The following MYL2 variants were observed in gnomAD, a reference collection of about 807,000 sequenced individuals.
MYL2 encodes myosin light chain 2, also known as myosin regulatory light chain 2, ventricular/cardiac muscle isoform.
A neutral mutation model predicts 23.0 loss-of-function variants in MYL2; 19 were observed. The ratio of observed to expected loss-of-function variants is 0.83; its 90% CI spans 0.58 to 1.21. MYL2 has a LOEUF of 1.21. MYL2 is among the 50% of genes most tolerant of loss of function. MYL2 has a pLI of 0.00. For synonymous variants in MYL2, 78 were observed against 76.2 expected, an observed-to-expected ratio of 1.02 and a Z score of -0.13; for missense variants, 180 against 215.1, an observed-to-expected ratio of 0.84 and a Z score of 1.02.
chr12:110,917,372 T>C (rs1397435416), intron 2 of MYL2, among the ~76,000 whole-genome samples: 1 of 151,034 alleles, frequency 6.6e-6, no homozygotes, highest in African/African-American at 2.4e-5. Context: ...GGCGGAGGGA[T>C]CACTTGAGGC....
rs2233259 is a variant in MYL2 at position 110,915,830 on chromosome 12, A to C, written c.94-40T>G. 4.5e-4 allele frequency: 716 copies of C among 1,580,012 alleles called. 1 individual carries two copies. The African/African-American group carries it at 8.9e-3, about 20-fold the overall frequency. ...TGATTGGCAGCTCAGCCTGGGAGAA[A>C]CTGGCAGAGTTGCCCAAGAGATTGG... On this transcript the variant is annotated intron_variant, in intron 2 of 6. Transcript: ENST00000228841.
intron 2 of MYL2, among the ~76,000 whole-genome samples, chr12:110,917,490 G>GACAA (rs113958682): frequency 0.14 from 20,225 of 149,752 alleles, 1,524 homozygotes; most frequent in African/African-American, 0.19. Flanking sequence ...CATTTACTCA[G>GACAA]ACAAACAAAC....
chr12:110,915,650 A>T lies in MYL2; in HGVS notation c.169+65T>A, dbSNP rs1489797823. On this transcript the variant is annotated intron_variant, in intron 3 of 6. Transcript: ENST00000228841. ...CATCTTGAGCTTTTCTGATGGTCCCACCTCCTGCTCCTCATGGATGTGAGA... is the reference window on the plus strand; with the variant it reads ...CATCTTGAGCTTTTCTGATGGTCCCTCCTCCTGCTCCTCATGGATGTGAGA... The T allele has an allele frequency of 8.6e-6, 13 of 1,515,794 alleles. No individual in the cohort carries two copies. In the Admixed American group the frequency reaches 1.7e-4, roughly 19 times the overall value. The allele number at this position is 1,515,794 out of a possible 1,614,324, so 93.9% of individuals were successfully genotyped here. A position where few individuals can be genotyped will look rare whatever the true frequency, so the allele number is the denominator to read the frequency against.
chr12:110,912,609 G>A (rs1401185434), intron 6 of MYL2, among the ~76,000 whole-genome samples: 2 of 152,188 alleles, frequency 1.3e-5, no homozygotes, highest in Non-Finnish European at 2.9e-5. Context: ...GCCCAGACTG[G>A]AGTGCAGTGG....
upstream of MYL2, among the ~76,000 whole-genome samples, chr12:110,920,902 T>C (rs2136779868): frequency 6.6e-6 from 1 of 152,380 alleles, no homozygotes; most frequent in East Asian, 1.9e-4. Flanking sequence ...TAAAATGCTC[T>C]GTTTTATCAG....
In MYL2 at chr12:110,916,814, G is replaced by A. The variant is rs558324836; in HGVS notation, c.94-1024C>T. 9.9e-5 allele frequency among the ~76,000 whole-genome samples: 15 copies of A among 152,146 alleles called. 1 individual carries two copies. Among genetic ancestry groups the A allele is most frequent in the African/African-American group, 3.4e-4 (14 of 41,514 alleles). On this transcript the variant is annotated intron_variant, in intron 2 of 6. Transcript: ENST00000228841. Reference sequence around the variant, plus strand: ...GCACACTTCAAGGGTGAATTTTATGGTATGCAAATTATAACTCTATAAAGC... The same window carrying A: ...GCACACTTCAAGGGTGAATTTTATGATATGCAAATTATAACTCTATAAAGC...
intron 2 of MYL2, among the ~76,000 whole-genome samples, chr12:110,917,960 T>C (rs1201778502): frequency 6.6e-6 from 1 of 152,158 alleles, no homozygotes; most frequent in African/African-American, 2.4e-5. Flanking sequence ...GGTGTGTACC[T>C]GTGGTCCCAG....
At chr12:110,914,622 G>A (rs543780155) in intron 3 of MYL2, among the ~76,000 whole-genome samples, 6 of 152,248 alleles carry the variant, frequency 3.9e-5, no homozygotes, top group African/African-American at 9.6e-5. Context: ...AGGTTCAAGC[G>A]ATTCTCGTGC....
intron 4 of MYL2, among the ~76,000 whole-genome samples, chr12:110,913,693 G>T (rs1179277552): frequency 6.6e-6 from 1 of 152,196 alleles, no homozygotes; most frequent in East Asian, 1.9e-4. Context: ...ATATAAAGTG[G>T]TTAGCATGAG....
chr12:110,920,325 C>T lies in MYL2; in HGVS notation c.3+202G>A, dbSNP rs140608644. The stretch of plus-strand genomic sequence containing the variant: ...ACTCTCTTATTTTGTGTTTGTGAGT[C>T]CCCGAGAGCTGCTGTTATTTGTGGC... On this transcript the variant is annotated intron_variant, in intron 1 of 6. Transcript: ENST00000228841. Among the ~76,000 whole-genome samples the T allele has an allele frequency of 3.4e-3, 522 of 152,234 alleles. 5 individuals are homozygous for T. The highest frequency in any genetic ancestry group is 0.012 in the African/African-American group (487 of 41,536).
chr12:110,920,683 C>G (rs879470576), upstream of MYL2: 4 of 1,060,610 alleles, frequency 3.8e-6, no homozygotes, highest in Non-Finnish European at 5.7e-6. Flanking sequence ...CACCTAAGGC[C>G]CCCCCACCCC....
intron 1 of MYL2, 34 bp downstream of exon 1, chr12:110,920,493 C>G: frequency 6.2e-7 from 1 of 1,614,074 alleles, no homozygotes; most frequent in South Asian, 1.1e-5. Context: ...CTCGCCCACC[C>G]GGCATCATCA....
upstream of MYL2, chr12:110,920,682 C>A: frequency 1.9e-6 from 2 of 1,054,116 alleles, no homozygotes; most frequent in Non-Finnish European, 1.4e-6. Flanking sequence ...CCACCTAAGG[C>A]CCCCCCACCC....
chr12:110,919,782 C>G (rs1052384516), intron 1 of MYL2, among the ~76,000 whole-genome samples: 1 of 152,204 alleles, frequency 6.6e-6, no homozygotes, highest in Non-Finnish European at 1.5e-5. Flanking sequence ...TTCTTCCCCA[C>G]CCCACTTCTC....
intron 2 of MYL2, among the ~76,000 whole-genome samples, chr12:110,917,648 C>T (rs2071696054): frequency 6.6e-6 from 1 of 152,148 alleles, no homozygotes; most frequent in South Asian, 2.1e-4. Context: ...GTGACTATCT[C>T]AAGTTCAGAT....
chr12:110,918,361 T>C lies in MYL2; in HGVS notation c.93+743A>G, dbSNP rs2520204. On this transcript the variant is annotated intron_variant, in intron 2 of 6. Transcript: ENST00000228841. This position sits in a 1 kb window ranked among gnomAD's most constrained non-coding sequence, Gnocchi z 4.4. ...ATGTAAAACCCAGAAGATACTGCTT[T>C]TCACCTCTCAGACTGGCAAAAAAAA... 6.6e-6 allele frequency among the ~76,000 whole-genome samples: 1 copy of C among 152,120 alleles called. No individual in the cohort carries two copies. The highest frequency in any genetic ancestry group is 1.5e-5 in the Non-Finnish European group (1 of 68,024).
At chr12:110,917,365 G>A (rs1311460801) in intron 2 of MYL2, among the ~76,000 whole-genome samples, 4 of 151,220 alleles carry the variant, frequency 2.6e-5, no homozygotes, top group East Asian at 2.0e-4. Flanking sequence ...AGGCCGAGGC[G>A]GAGGGATCAC....
At chr12:110,917,728 G>A (rs150669748) in intron 2 of MYL2, among the ~76,000 whole-genome samples, 1 of 152,234 alleles carries the variant, frequency 6.6e-6, no homozygotes, top group East Asian at 1.9e-4. Flanking sequence ...ATGTTAGTGA[G>A]GACAAAAGGT....
chr12:110,919,226 G>C (rs765315783), intron 1 of MYL2, 33 bp from the exon 2 acceptor site: 108 of 1,595,172 alleles, frequency 6.8e-5, no homozygotes, highest in Non-Finnish European at 8.7e-5. Context: ...AAAAGAGTGA[G>C]AGGCTGGGAG....
Sources: allele counts gnomAD v4.1 joint callset (sites outside exome capture counted in the v4.1 genomes callset), GRCh38; gene constraint gnomAD v4.1.1; non-coding constraint Gnocchi (gnomAD v3.1); transcripts MANE v1.5; gene names NCBI Gene and HGNC (gene_info 2026-07-23, HGNC 2026-07-21).